Variants in GPC6 observed in about 807,000 individuals in gnomAD.
GPC6 encodes glypican-6.
In GPC6, 14 loss-of-function variants were observed where a neutral mutation model predicts 55.2. The ratio of observed to expected loss-of-function variants is 0.25; its 90% CI spans 0.17 to 0.40. The LOEUF (loss-of-function observed/expected upper bound fraction) is 0.40, where lower values mean the gene tolerates loss of function less well. Ranked by LOEUF, GPC6 falls within the 10% of genes least tolerant of loss-of-function variation. GPC6 has a pLI of 1.00. For synonymous variants in GPC6, 278 were observed against 259.6 expected (o/e 1.07, Z -0.68); for missense variants, 641 against 708.5 (o/e 0.90, Z 1.08).
chr13:93,472,729 G>A (rs780285479), intron 1 of GPC6, among the ~76,000 whole-genome samples: 10 of 152,194 alleles, frequency 6.6e-5, no homozygotes, highest in Non-Finnish European at 1.5e-5. Flanking sequence ...TGAGAAAGGG[G>A]CATCTTTCTG....
chr13:93,744,876 T>C (rs973676497), intron 2 of GPC6, among the ~76,000 whole-genome samples: 3 of 151,714 alleles, frequency 2.0e-5, no homozygotes. Context: ...AAGGATGCAG[T>C]GAGCCAAGAT....
At chr13:93,859,812 C>CT (rs897468712) in intron 3 of GPC6, among the ~76,000 whole-genome samples, 2 of 151,610 alleles carry the variant, frequency 1.3e-5, no homozygotes, top group African/African-American at 4.8e-5. Context: ...CACTCAGTCT[C>CT]TTGACCACCC....
intron 2 of GPC6, among the ~76,000 whole-genome samples, chr13:93,738,699 AG>A (rs1437004920): frequency 1.6e-4 from 25 of 152,198 alleles, no homozygotes; most frequent in Admixed American, 1.0e-3. Flanking sequence ...CACCCCTCGT[AG>A]GAAGCCATAT....
intron 4 of GPC6, among the ~76,000 whole-genome samples, chr13:94,062,079 T>A (rs1462451961): frequency 1.3e-5 from 2 of 152,272 alleles, no homozygotes; most frequent in East Asian, 3.9e-4. Context: ...GTGTCACTCA[T>A]GCAAGAAATC....
chr13:93,984,846 T>C (rs1318652235), intron 3 of GPC6, among the ~76,000 whole-genome samples: 1 of 152,202 alleles, frequency 6.6e-6, no homozygotes, highest in Admixed American at 6.5e-5. Flanking sequence ...ATATTTTTAA[T>C]GGGAGGAAGC....
At chr13:94,030,133 C>CG (rs1043067435) in intron 4 of GPC6, among the ~76,000 whole-genome samples, 3 of 151,874 alleles carry the variant, frequency 2.0e-5, no homozygotes, top group African/African-American at 7.3e-5. Flanking sequence ...CTCAGCCTCC[C>CG]GAGGAGCTGG....
the GPC6 span, among the ~76,000 whole-genome samples, chr13:93,218,213 C>T: frequency 2.0e-4 from 30 of 150,946 alleles, no homozygotes; most frequent in South Asian, 5.2e-3. Context: ...ATAAAATGTG[C>T]GAAGTTAATA....
intron 1 of GPC6, among the ~76,000 whole-genome samples, chr13:93,487,606 T>A (rs933763080): frequency 2.2e-4 from 34 of 152,324 alleles, no homozygotes; most frequent in African/African-American, 7.7e-4. Context: ...GATTGAGGGT[T>A]GATCATGTAT....
At chr13:93,335,561 G>A (rs1411467347) in intron 1 of GPC6, among the ~76,000 whole-genome samples, 1 of 152,148 alleles carries the variant, frequency 6.6e-6, no homozygotes, top group Non-Finnish European at 1.5e-5. Flanking sequence ...CTACCTCTCA[G>A]GAGTGATAAT....
chr13:93,378,352 GACA>G (rs1875010639), intron 1 of GPC6, among the ~76,000 whole-genome samples: 1 of 152,106 alleles, frequency 6.6e-6, no homozygotes, highest in South Asian at 2.1e-4. Context: ...TTTCTTCTAT[GACA>G]ACATGATGCC....
chr13:93,422,373 T>A (rs1211984290), intron 1 of GPC6, among the ~76,000 whole-genome samples: 1 of 152,190 alleles, frequency 6.6e-6, no homozygotes, highest in Non-Finnish European at 1.5e-5. Flanking sequence ...TTAAATTGCC[T>A]CCTTTTCTAA....
intron 4 of GPC6, among the ~76,000 whole-genome samples, chr13:94,066,081 A>T (rs896153783): frequency 2.0e-5 from 3 of 152,198 alleles, no homozygotes; most frequent in South Asian, 2.1e-4. Flanking sequence ...GGTTTCTCAG[A>T]TGGTGCTCAG....
intron 4 of GPC6, among the ~76,000 whole-genome samples, chr13:94,211,603 T>C (rs546061861): frequency 2.0e-5 from 3 of 152,310 alleles, no homozygotes; most frequent in African/African-American, 7.2e-5. Flanking sequence ...ATAGCACCTG[T>C]GCATGGACAG....
intron 4 of GPC6, among the ~76,000 whole-genome samples, chr13:94,228,463 A>G (rs1890621806): frequency 6.6e-6 from 1 of 152,192 alleles, no homozygotes; most frequent in Non-Finnish European, 1.5e-5. Context: ...TATTTCTAGA[A>G]ATGATATTCT....
chr13:93,494,376 G>A (rs1257755402), intron 1 of GPC6, among the ~76,000 whole-genome samples: 6 of 146,890 alleles, frequency 4.1e-5, no homozygotes, highest in Admixed American at 1.4e-4. Flanking sequence ...CATTTGCTTG[G>A]TAGATCTTCC....
At chr13:94,374,211 A>G (rs1413524166) in intron 6 of GPC6, among the ~76,000 whole-genome samples, 2 of 150,124 alleles carry the variant, frequency 1.3e-5, no homozygotes, top group Admixed American at 6.6e-5. Context: ...TTCACACATA[A>G]CAATATTAAC....
At chr13:94,402,822 T>A (rs1255327447) in intron 8 of GPC6, among the ~76,000 whole-genome samples, 193 bp from the exon 9 acceptor site, 3 of 151,818 alleles carry the variant, frequency 2.0e-5, no homozygotes, top group Non-Finnish European at 2.9e-5. Context: ...AACCATCAGA[T>A]CTCGTGAGAA....
At chr13:93,449,685 AG>A (rs1878148146) in intron 1 of GPC6, among the ~76,000 whole-genome samples, 1 of 151,884 alleles carries the variant, frequency 6.6e-6, no homozygotes. Context: ...AAAATTAGCC[AG>A]GCGTGGTGGT....
intron 3 of GPC6, among the ~76,000 whole-genome samples, chr13:93,994,681 GTTCT>G (rs1480601406): frequency 6.6e-6 from 1 of 152,120 alleles, no homozygotes; most frequent in Non-Finnish European, 1.5e-5. Context: ...TGACTCTAGT[GTTCT>G]CTATTGCTTG....
Sources: gnomAD v4.1 joint callset for allele counts (sites outside exome capture counted in the v4.1 genomes callset) on GRCh38, gnomAD v4.1.1 for gene constraint, MANE v1.5 for transcripts, NCBI Gene and HGNC (gene_info 2026-07-23, HGNC 2026-07-21) for gene names.